The following ALG5 variants were observed in gnomAD, a reference collection of about 807,000 sequenced individuals.
ALG5 encodes dolichyl-phosphate beta-glucosyltransferase.
ALG5 carries 26 observed loss-of-function variants against 51.8 expected under a neutral mutation model. The ratio of observed to expected loss-of-function variants is 0.50; its 90% CI spans 0.37 to 0.70. The LOEUF (loss-of-function observed/expected upper bound fraction) is 0.70. Ranked by LOEUF, ALG5 falls within the 30% of genes least tolerant of loss-of-function variation. ALG5 has a pLI of 0.00. For synonymous variants in ALG5, 141 were observed against 136.1 expected, an observed-to-expected ratio of 1.04 and a Z score of -0.25; for missense variants, 311 against 399.3, an observed-to-expected ratio of 0.78 and a Z score of 1.88.
At chr13:36,991,823 G>A (rs974406207) in intron 4 of ALG5, among the ~76,000 whole-genome samples, 1 of 152,098 alleles carries the variant, frequency 6.6e-6, no homozygotes, top group Admixed American at 6.5e-5. Flanking sequence ...TCAGTCGTGC[G>A]ATCACAGCTC....
chr13:36,985,848 T>G, intron 5 of ALG5, 108 bp from the exon 6 acceptor site: 5 of 635,098 alleles, frequency 7.9e-6, no homozygotes, highest in Non-Finnish European at 1.3e-5. Flanking sequence ...AGATGAGGTA[T>G]GAGATGGCTG....
intron 4 of ALG5, among the ~76,000 whole-genome samples, chr13:36,989,858 AAAAC>A (rs1250910034): frequency 6.6e-6 from 1 of 152,200 alleles, no homozygotes; most frequent in Non-Finnish European, 1.5e-5. Context: ...GAGCTGCTAA[AAAAC>A]AAACAACAAC....
At chr13:36,967,469 T>C (rs2058900262) in intron 7 of ALG5, among the ~76,000 whole-genome samples, 1 of 152,170 alleles carries the variant, frequency 6.6e-6, no homozygotes, top group South Asian at 2.1e-4. Flanking sequence ...AACTCAATAA[T>C]GTTCTTCATA....
Position 36,988,766 on chromosome 13 carries a change from C to T in ALG5, c.447+718G>A, listed in dbSNP as rs117130246. ...TGATGGCTAGTGCTCCAGGAGTCACCCTGTGTGCATGAGGAAGAAGGAGTG... is the reference window on the plus strand; with the variant it reads ...TGATGGCTAGTGCTCCAGGAGTCACTCTGTGTGCATGAGGAAGAAGGAGTG... On this transcript the variant is annotated intron_variant, in intron 5 of 9. Coordinates refer to ENST00000239891, the MANE Select transcript of ALG5 (RefSeq NM_013338.5). 7.2e-3 allele frequency among the ~76,000 whole-genome samples: 1,103 copies of T among 152,248 alleles called. 6 individuals carry two copies. Among genetic ancestry groups the T allele is most frequent in the Non-Finnish European group, 0.012 (802 of 68,014 alleles).
chr13:36,995,108 C>T (rs985450163), intron 2 of ALG5, 73 bp from the exon 3 acceptor site: 3 of 1,316,790 alleles, frequency 2.3e-6, no homozygotes, highest in African/African-American at 3.0e-5. Context: ...AGCTTACATA[C>T]AGAAAAAAGT....
At chr13:36,952,735 GA>G (rs2058824033) in intron 8 of ALG5, 136 bp from the exon 9 acceptor site, 2 of 514,388 alleles carry the variant, frequency 3.9e-6, no homozygotes, top group Non-Finnish European at 6.7e-6. Flanking sequence ...CAGATTCACA[GA>G]AATCAAATAA....
chr13:36,960,286 T>C (rs2058859909), intron 8 of ALG5, among the ~76,000 whole-genome samples: 1 of 152,118 alleles, frequency 6.6e-6, no homozygotes, highest in Admixed American at 6.6e-5. Context: ...TATCTAAAAC[T>C]GAACAACTGA....
chr13:36,959,346 G>C (rs564530776), intron 8 of ALG5, among the ~76,000 whole-genome samples: 1 of 152,192 alleles, frequency 6.6e-6, no homozygotes, highest in South Asian at 2.1e-4. Flanking sequence ...TGCTAAGATA[G>C]TAAATTTCAA....
chr13:36,960,463 TTAAAAA>T (rs1376570739), intron 8 of ALG5, among the ~76,000 whole-genome samples: 1 of 152,094 alleles, frequency 6.6e-6, no homozygotes, highest in East Asian at 1.9e-4. Context: ...ATAACACTGA[TTAAAAA>T]TAAAAAGTAT....
At position 36,985,742 on chromosome 13, in the gene ALG5, T is replaced by C. The variant is rs748972497; in HGVS notation, c.448-2A>G. 6.3e-7 allele frequency: 1 copy of C among 1,593,412 alleles called. No homozygotes were observed. The highest frequency in any genetic ancestry group is 1.1e-5 in the South Asian group (1 of 88,012). On this transcript the variant is annotated splice_acceptor_variant, in intron 5 of 9. Coordinates refer to ENST00000239891, the MANE Select transcript of ALG5 (RefSeq NM_013338.5). LOFTEE classifies it high-confidence loss of function. ...TTCTCCTCGAGAACTGAATATACCC[T>C]GTATTTTAAAATTTCAAGTCAAAGA... is the stretch of plus-strand genomic sequence containing the variant.
rs2058831829 is a variant in ALG5 at position 36,954,549 on chromosome 13, CA to C, written c.774-1951del. Among the ~76,000 whole-genome samples the C allele has an allele frequency of 1.3e-5, 2 of 152,148 alleles. 1 individual carries two copies. Among genetic ancestry groups the C allele is most frequent in the South Asian group, 4.2e-4 (2 of 4,816 alleles). On this transcript the variant is annotated intron_variant, in intron 8 of 9. Coordinates refer to ENST00000239891, the MANE Select transcript of ALG5 (RefSeq NM_013338.5). ...TTTTAGAAGACATTTATTACACATACAAAAAAATGCAGCTCATATCATCATA... is the reference window on the plus strand; with the variant it reads ...TTTTAGAAGACATTTATTACACATACAAAAAATGCAGCTCATATCATCATA...
rs563462161 is a variant in ALG5 at position 36,952,037 on chromosome 13, C to T, written c.859+477G>A. Among the ~76,000 whole-genome samples, 44 of 152,254 alleles carry T rather than the reference C, an allele frequency of 2.9e-4. 1 individual carries two copies. Among genetic ancestry groups the T allele is most frequent in the African/African-American group, 9.9e-4 (41 of 41,534 alleles). ...CCTGACCTTAGGTGATCCACCCCCT[C>T]GGTCTCCGAAAGTGCTGGGATTACA... On this transcript the variant is annotated intron_variant, in intron 9 of 9. Transcript: ENST00000239891.
At chr13:36,991,756 G>A (rs1011610929) in intron 4 of ALG5, among the ~76,000 whole-genome samples, 1 of 152,148 alleles carries the variant, frequency 6.6e-6, no homozygotes, top group African/African-American at 2.4e-5. Context: ...AGAGATGCAC[G>A]CAGAGATGAT....
chr13:36,989,465 T>C lies in ALG5; in HGVS notation c.447+19A>G. On this transcript the variant is annotated intron_variant, in intron 5 of 9. Transcript: ENST00000239891. Reference sequence around the variant, plus strand: ...GATACCTTCATATTTTAGATAAAAATGTTGAAAATATGTATTACCATTCTA... The same window carrying C: ...GATACCTTCATATTTTAGATAAAAACGTTGAAAATATGTATTACCATTCTA... 1 of 1,576,372 alleles carries C rather than the reference T, an allele frequency of 6.3e-7. No homozygotes were observed. Among genetic ancestry groups the C allele is most frequent in the South Asian group, 1.1e-5 (1 of 88,292 alleles).
At chr13:36,987,734 TTCTC>T (rs2059008433) in intron 5 of ALG5, among the ~76,000 whole-genome samples, 2 of 152,332 alleles carry the variant, frequency 1.3e-5, no homozygotes, top group Non-Finnish European at 2.9e-5. Flanking sequence ...CATGTCATTC[TTCTC>T]TCTGATCCCA....
rs1313423044 is a variant in ALG5, at chr13:36,977,893, T to A, written c.562-5857A>T. ...AATCAATCAAAATCTTTCTCAGTAT[T>A]TTTTTTTTTTTTTAATGGAATCTCA... On this transcript the variant is annotated intron_variant, in intron 6 of 9. Coordinates refer to ENST00000239891, the MANE Select transcript of ALG5 (RefSeq NM_013338.5). Among the ~76,000 whole-genome samples the A allele has an allele frequency of 2.8e-5, 4 of 144,384 alleles. No homozygotes were observed. In the Admixed American group the frequency reaches 2.8e-4, roughly 10 times the overall value. The allele number at this position is 144,384 out of a possible 152,430, so 94.7% of individuals were successfully genotyped here.
At chr13:36,991,800 C>T (rs1397350164) in intron 4 of ALG5, among the ~76,000 whole-genome samples, 1 of 152,066 alleles carries the variant, frequency 6.6e-6, no homozygotes, top group East Asian at 1.9e-4. Flanking sequence ...TGCTCTGCTA[C>T]CCAGGCTGGA....
chr13:36,974,735 A>C (rs2058942265), intron 6 of ALG5, among the ~76,000 whole-genome samples: 1 of 148,552 alleles, frequency 6.7e-6, no homozygotes. Flanking sequence ...CATCCCACCC[A>C]ACCTGGGATT....
rs1257664400 is a variant in ALG5 at position 36,998,948 on chromosome 13, G to GGGCGATGGAAGC, written c.66+275_66+286dup. 149 of 323,354 alleles carry GGGCGATGGAAGC rather than the reference G, an allele frequency of 4.6e-4. 1 individual carries two copies. Among genetic ancestry groups the GGGCGATGGAAGC allele is most frequent in the East Asian group, 1.2e-3 (24 of 20,624 alleles). The allele number at this position is 323,354 out of a possible 1,614,324, so 20.0% of individuals were successfully genotyped here. A position where few individuals can be genotyped will look rare whatever the true frequency, so the allele number is the denominator to read the frequency against. ...GGTGGGTAGGGGGCGCGGGCGCCAGGGGCGATGGAAGCGGCGATGATGCCA... is the reference window on the plus strand; with the variant it reads ...GGTGGGTAGGGGGCGCGGGCGCCAGGGGCGATGGAAGCGGCGATGGAAGCGGCGATGATGCCA... On this transcript the variant is annotated intron_variant, in intron 1 of 9. Transcript: ENST00000239891.
Sources: allele counts gnomAD v4.1 joint callset (sites outside exome capture counted in the v4.1 genomes callset), GRCh38; gene constraint gnomAD v4.1.1; transcripts MANE v1.5; gene names NCBI Gene and HGNC (gene_info 2026-07-23, HGNC 2026-07-21).